The following GNG12 variants were observed in gnomAD, a reference collection of about 807,000 sequenced individuals.
The protein encoded by GNG12 is G protein subunit gamma 12.
For synonymous variants in GNG12, 28 were observed against 29.7 expected (o/e 0.94, Z 0.19); for missense variants, 69 against 83.8 (o/e 0.82, Z 0.69).
intron 2 of GNG12, among the ~76,000 whole-genome samples, chr1:67,766,314 C>T (rs1455963361): frequency 6.6e-6 from 1 of 152,084 alleles, no homozygotes; most frequent in Non-Finnish European, 1.5e-5. Flanking sequence ...CGCATTTCAC[C>T]GAAAGGGGAA....
intron 1 of GNG12, among the ~76,000 whole-genome samples, chr1:67,810,222 G>C (rs755108644): frequency 4.6e-5 from 7 of 152,194 alleles, no homozygotes; most frequent in Non-Finnish European, 1.0e-4. Flanking sequence ...TGGAGACAGT[G>C]AAAATATCAG....
At chr1:67,774,310 C>T (rs1251072177) in intron 2 of GNG12, among the ~76,000 whole-genome samples, 5 of 152,232 alleles carry the variant, frequency 3.3e-5, no homozygotes, top group Non-Finnish European at 7.3e-5. Flanking sequence ...CTTCACCCCA[C>T]TTTTCCTTCC....
intron 2 of GNG12, among the ~76,000 whole-genome samples, chr1:67,727,012 C>T (rs72922753): frequency 4.3e-4 from 65 of 152,300 alleles, no homozygotes; most frequent in African/African-American, 1.5e-3. Flanking sequence ...GAAAGAAGTG[C>T]GCCAAGTGCC....
intron 2 of GNG12, among the ~76,000 whole-genome samples, chr1:67,767,985 G>A (rs1382446605): frequency 6.6e-6 from 1 of 152,204 alleles, no homozygotes; most frequent in Non-Finnish European, 1.5e-5. Context: ...CTACGTTGCG[G>A]AGGCTGGACT....
chr1:67,709,934 A>C (rs1054311007), intron 2 of GNG12, among the ~76,000 whole-genome samples: 1 of 32,120 alleles, frequency 3.1e-5, no homozygotes, highest in Non-Finnish European at 5.6e-5. Flanking sequence ...TTATATATAT[A>C]GTTATATATA....
chr1:67,738,066 A>G (rs918760191), intron 2 of GNG12, among the ~76,000 whole-genome samples: 4 of 152,020 alleles, frequency 2.6e-5, no homozygotes, highest in Admixed American at 2.0e-4. Flanking sequence ...CCTCCTGGGT[A>G]GCTGGGACAG....
chr1:67,769,679 A>G (rs1446798813), intron 2 of GNG12, among the ~76,000 whole-genome samples: 1 of 152,196 alleles, frequency 6.6e-6, no homozygotes, highest in Admixed American at 6.5e-5. Flanking sequence ...ACACAGGTCA[A>G]AAGTTTCCCT....
chr1:67,760,690 G>C (rs550838905), intron 2 of GNG12, among the ~76,000 whole-genome samples: 9 of 152,304 alleles, frequency 5.9e-5, no homozygotes, highest in African/African-American at 2.2e-4. Flanking sequence ...GCCTAAATTT[G>C]ATCCTCAGCA....
chr1:67,706,594 A>G (rs533371614), intron 3 of GNG12, among the ~76,000 whole-genome samples: 3 of 151,920 alleles, frequency 2.0e-5, no homozygotes, highest in Non-Finnish European at 4.4e-5. Flanking sequence ...AAGACAGGTG[A>G]CTATCTCCAG....
intron 2 of GNG12, among the ~76,000 whole-genome samples, chr1:67,754,022 C>T (rs568676717): frequency 6.6e-6 from 1 of 152,308 alleles, no homozygotes; most frequent in African/African-American, 2.4e-5. Context: ...CCCCTTTGGC[C>T]ACTCTCCTCT....
At chr1:67,825,763 G>A (rs1014814508) in intron 1 of GNG12, among the ~76,000 whole-genome samples, 3 of 152,110 alleles carry the variant, frequency 2.0e-5, no homozygotes, top group Non-Finnish European at 2.9e-5. Context: ...CCCTCTCCAC[G>A]TTCCCAGGAG....
chr1:67,715,044 G>T (rs1393851807), intron 2 of GNG12, among the ~76,000 whole-genome samples: 1 of 152,102 alleles, frequency 6.6e-6, no homozygotes, highest in Non-Finnish European at 1.5e-5. Context: ...TTAGCCTCCC[G>T]AGTAGCTGGG....
chr1:67,736,711 T>C (rs1172191956), intron 2 of GNG12, among the ~76,000 whole-genome samples: 1 of 152,142 alleles, frequency 6.6e-6, no homozygotes, highest in Non-Finnish European at 1.5e-5. Context: ...GTAAGAACCG[T>C]CTGGATCCAG....
chr1:67,812,633 C>T (rs1008216875), intron 1 of GNG12, among the ~76,000 whole-genome samples: 1 of 152,200 alleles, frequency 6.6e-6, no homozygotes, highest in African/African-American at 2.4e-5. Flanking sequence ...GAAAAGAAGG[C>T]CTCTCACTTG....
chr1:67,786,969 GTGTGTGTGTGTGTGTGTATGTA>G (rs1368906265), intron 1 of GNG12, among the ~76,000 whole-genome samples: 4 of 148,066 alleles, frequency 2.7e-5, no homozygotes, highest in African/African-American at 1.0e-4. Flanking sequence ...GTGTGTGTGT[GTGTGTGTGTGTGTGTGTATGTA>G]TATATATGTG....
At chr1:67,760,450 C>G (rs1190036392) in intron 2 of GNG12, among the ~76,000 whole-genome samples, 2 of 152,100 alleles carry the variant, frequency 1.3e-5, no homozygotes, top group East Asian at 1.9e-4. Flanking sequence ...ACCTAGTGGC[C>G]AGTGGAGCAC....
At chr1:67,824,067 G>A (rs1487082503) in intron 1 of GNG12, among the ~76,000 whole-genome samples, 3 of 152,116 alleles carry the variant, frequency 2.0e-5, no homozygotes, top group Non-Finnish European at 2.9e-5. Context: ...AATGAGAGAA[G>A]GGGGGAGAAT....
chr1:67,737,113 A>C (rs1019250566), intron 2 of GNG12, among the ~76,000 whole-genome samples: 1 of 152,166 alleles, frequency 6.6e-6, no homozygotes, highest in African/African-American at 2.4e-5. Context: ...TGCAACTAAA[A>C]CCAAGTCTTA....
At chr1:67,761,251 C>A (rs1646601674) in intron 2 of GNG12, among the ~76,000 whole-genome samples, 1 of 152,164 alleles carries the variant, frequency 6.6e-6, no homozygotes, top group Admixed American at 6.5e-5. Flanking sequence ...CTGTGCCACG[C>A]CCTGAATTTC....
Sources: allele counts gnomAD v4.1 joint callset (sites outside exome capture counted in the v4.1 genomes callset), GRCh38; gene constraint gnomAD v4.1.1; transcripts MANE v1.5; gene names NCBI Gene and HGNC (gene_info 2026-07-23, HGNC 2026-07-21).